The following FMN2 variants were observed in gnomAD, a reference collection of about 807,000 sequenced individuals.
FMN2 encodes formin-2.
FMN2 carries 51 observed loss-of-function variants against 142.3 expected under a neutral mutation model. The observed-to-expected ratio is 0.36, with a 90% confidence interval of 0.29 to 0.45. FMN2 has a LOEUF of 0.45. Among genes scored for constraint, FMN2 ranks in the 20% least tolerant of loss-of-function variants. The pLI, the probability that FMN2 is intolerant of heterozygous loss-of-function variation, is 1.00. For missense variants in FMN2, 1,936 were observed against 2,122.8 expected, an observed-to-expected ratio of 0.91 and a Z score of 1.73; for synonymous variants, 882 against 869.8, an observed-to-expected ratio of 1.01 and a Z score of -0.25.
chr1:240,329,374 C>T lies in FMN2; in HGVS notation c.4343C>T (p.Ser1448Leu), dbSNP rs1671303585. ...GAACTGTCACTAATCCCCAACTTTT[C>T]AGAGCGAGTCTTTTGCATCCTGTTC... The part of the protein sequence containing the change: ...LYELSLIPNF[S>L]ERVFCILFQS... Residue 1448 changes from serine to leucine, a missense_variant, in exon 10 of 18, where the codon TCA becomes TTA. Physicochemically the swap from Ser to Leu is moderately radical, Grantham distance 145. Around this residue, in one of 8 missense-constraint regions of FMN2, gnomAD observed 322 missense variants for 401.6 expected, o/e 0.80. Coordinates refer to ENST00000319653, the MANE Select transcript of FMN2 (RefSeq NM_020066.5). 6.2e-7 allele frequency: 1 copy of T among 1,613,612 alleles called. No individual in the cohort carries two copies. Among genetic ancestry groups the T allele is most frequent in the South Asian group, 1.1e-5 (1 of 90,954 alleles).
intron 13 of FMN2, among the ~76,000 whole-genome samples, chr1:240,353,195 A>G (rs1456730462): frequency 6.6e-6 from 1 of 152,222 alleles, no homozygotes; most frequent in Non-Finnish European, 1.5e-5. Context: ...ACTTGGTCTT[A>G]TAAAAACAAT....
At chr1:240,420,608 T>G (rs371845916) in intron 15 of FMN2, among the ~76,000 whole-genome samples, 7 of 152,272 alleles carry the variant, frequency 4.6e-5, no homozygotes, top group African/African-American at 1.7e-4. Flanking sequence ...ACCAGGACAT[T>G]TTTACTAAAG....
intron 4 of FMN2, among the ~76,000 whole-genome samples, chr1:240,199,782 T>C (rs72764360): frequency 0.043 from 6,577 of 152,288 alleles, 198 homozygotes; most frequent in Non-Finnish European, 0.067. Context: ...ATATTAATTA[T>C]TGTATTGACG....
At chr1:240,101,491 C>CGTGT (rs140467095) in intron 1 of FMN2, among the ~76,000 whole-genome samples, 1 of 150,468 alleles carries the variant, frequency 6.6e-6, no homozygotes, top group East Asian at 1.9e-4. Flanking sequence ...ACAATAGGAC[C>CGTGT]GTGTGTGTGT....
At chr1:240,328,167 A>AAAAAAAAAAAAAAAAAAAAAAAAAAAG (rs1558435720) in intron 8 of FMN2, among the ~76,000 whole-genome samples, 1 of 141,166 alleles carries the variant, frequency 7.1e-6, no homozygotes, top group Non-Finnish European at 1.5e-5. Flanking sequence ...AAAAAAAAAA[A>AAAAAAAAAAAAAAAAAAAAAAAAAAAG]AAAAAGAAAA....
chr1:240,201,968 T>C (rs1666141557), intron 4 of FMN2, among the ~76,000 whole-genome samples: 1 of 152,168 alleles, frequency 6.6e-6, no homozygotes, highest in South Asian at 2.1e-4. Flanking sequence ...GAGGCCACCA[T>C]TGCAATTTGT....
chr1:240,310,327 C>G (rs1049301482), intron 8 of FMN2, among the ~76,000 whole-genome samples: 3 of 152,156 alleles, frequency 2.0e-5, no homozygotes, highest in Non-Finnish European at 4.4e-5. Context: ...TATTTGATCT[C>G]TGTGAAACAG....
chr1:240,098,518 G>A (rs1661302154), intron 1 of FMN2, among the ~76,000 whole-genome samples: 1 of 152,094 alleles, frequency 6.6e-6, no homozygotes, highest in Admixed American at 6.6e-5. Flanking sequence ...ACAGAGTATA[G>A]ATGTCCAGTT....
chr1:240,397,110 C>T (rs1287203689), intron 15 of FMN2, among the ~76,000 whole-genome samples: 1 of 152,186 alleles, frequency 6.6e-6, no homozygotes, highest in Non-Finnish European at 1.5e-5. Flanking sequence ...CACAGCCTCG[C>T]CAACATCTGT....
At chr1:240,238,977 T>TGAAAG (rs5782129) in intron 6 of FMN2, among the ~76,000 whole-genome samples, 47,609 of 151,702 alleles carry the variant, frequency 0.31, 8,513 homozygotes, top group African/African-American at 0.5. Context: ...GGGGGAGTAT[T>TGAAAG]GAAGGAGGTA....
intron 7 of FMN2, among the ~76,000 whole-genome samples, chr1:240,258,444 T>C (rs895392275): frequency 6.6e-6 from 1 of 152,112 alleles, no homozygotes; most frequent in Non-Finnish European, 1.5e-5. Flanking sequence ...GTATCCTCAA[T>C]TGGCAGAAAG....
chr1:240,233,333 C>T (rs563138307), intron 6 of FMN2, among the ~76,000 whole-genome samples: 10 of 150,930 alleles, frequency 6.6e-5, no homozygotes, highest in Non-Finnish European at 8.8e-5. Context: ...TGCAGTGAGC[C>T]GAGATCGCAC....
At chr1:240,285,793 CTT>C (rs1158804136) in intron 7 of FMN2, among the ~76,000 whole-genome samples, 1 of 152,160 alleles carries the variant, frequency 6.6e-6, no homozygotes, top group African/African-American at 2.4e-5. Flanking sequence ...AGAGCAAAGA[CTT>C]GATGAGTGGG....
chr1:240,421,713 T>C (rs1218374716), intron 15 of FMN2, among the ~76,000 whole-genome samples: 4 of 152,200 alleles, frequency 2.6e-5, no homozygotes, highest in Admixed American at 6.5e-5. Flanking sequence ...TCCTTGTTTG[T>C]TTAAATACAA....
At position 240,129,900 on chromosome 1, in the gene FMN2, T is replaced by C. The variant is rs529500026; in HGVS notation, c.1782+6555T>C. 2.6e-5 allele frequency among the ~76,000 whole-genome samples: 4 copies of C among 152,320 alleles called. No individual in the cohort carries two copies. The South Asian group carries it at 8.3e-4, about 32-fold the overall frequency. On this transcript the variant is annotated intron_variant, in intron 2 of 17. Coordinates refer to ENST00000319653, the MANE Select transcript of FMN2 (RefSeq NM_020066.5). Reference sequence around the variant, plus strand: ...CTCTCCTTCTTCCTTCTAATATAATTAATATTGCTATTTTGAGTTTTCTTT... The same window carrying C: ...CTCTCCTTCTTCCTTCTAATATAATCAATATTGCTATTTTGAGTTTTCTTT...
intron 2 of FMN2, among the ~76,000 whole-genome samples, chr1:240,157,604 G>A (rs779365308): frequency 2.6e-5 from 4 of 151,992 alleles, no homozygotes; most frequent in Admixed American, 1.3e-4. Flanking sequence ...AATGAAGTGG[G>A]GGAAAGGAAG....
chr1:240,457,525 A>C (rs1676294536), intron 16 of FMN2: 1 of 152,238 alleles, frequency 6.6e-6, no homozygotes, highest in Admixed American at 6.5e-5. Flanking sequence ...GGAGGTCCAG[A>C]CCATCAATAA....
intron 7 of FMN2, among the ~76,000 whole-genome samples, chr1:240,264,348 A>T (rs1668724398): frequency 6.6e-6 from 1 of 152,208 alleles, no homozygotes; most frequent in Non-Finnish European, 1.5e-5. Context: ...ATTGGCATAC[A>T]GGATACATAT....
rs146026748 is a variant in FMN2 at position 240,262,652 on chromosome 1, C to T, written c.4153+4620C>T. ...TTCCATAAGCTTCAGCTTTATCCCC[C>T]AACAATGTCACGGTTAGATAGAAAT... On this transcript the variant is annotated intron_variant, in intron 7 of 17. Coordinates refer to ENST00000319653, the MANE Select transcript of FMN2 (RefSeq NM_020066.5). Among the ~76,000 whole-genome samples, 1,242 of 151,786 alleles carry T rather than the reference C, an allele frequency of 8.2e-3. 20 individuals carry two copies. The highest frequency in any genetic ancestry group is 0.028 in the African/African-American group (1,159 of 41,360).
Sources: gnomAD v4.1 joint callset for allele counts (sites outside exome capture counted in the v4.1 genomes callset) on GRCh38, gnomAD v4.1.1 for gene constraint, gnomAD v4.1.1 regional missense constraint, MANE v1.5 for transcripts, NCBI Gene and HGNC (gene_info 2026-07-23, HGNC 2026-07-21) for gene names.